The following RPS6KA2 variants were observed in gnomAD, a reference collection of about 807,000 sequenced individuals.
RPS6KA2 encodes the protein ribosomal protein S6 kinase alpha-2.
In RPS6KA2, 42 loss-of-function variants were observed where a neutral mutation model predicts 91.8. The observed-to-expected ratio is 0.46, with a 90% CI of 0.36 to 0.59. The LOEUF (loss-of-function observed/expected upper bound fraction) is 0.59, where lower values mean the gene tolerates loss of function less well. Among genes scored for constraint, RPS6KA2 ranks in the 20% least tolerant of loss-of-function variants. The pLI is 0.00. For synonymous variants in RPS6KA2, 414 were observed against 393.6 expected, an observed-to-expected ratio of 1.05 and a Z score of -0.61; for missense variants, 798 against 978.5, an observed-to-expected ratio of 0.82 and a Z score of 2.46.
chr6:166,860,358 C>T (rs1022653533), intron 1 of RPS6KA2, among the ~76,000 whole-genome samples: 6 of 152,236 alleles, frequency 3.9e-5, no homozygotes, highest in African/African-American at 1.2e-4. Context: ...CCTTTACCAT[C>T]TGCCCTCTCC....
At chr6:166,506,193 G>A (rs1782218162) in intron 5 of RPS6KA2, among the ~76,000 whole-genome samples, 1 of 152,180 alleles carries the variant, frequency 6.6e-6, no homozygotes, top group Non-Finnish European at 1.5e-5. Flanking sequence ...AGGACCCAAG[G>A]AAAAGACTTT....
intron 1 of RPS6KA2, among the ~76,000 whole-genome samples, chr6:166,610,371 G>A (rs1355655492): frequency 6.6e-6 from 1 of 152,180 alleles, no homozygotes; most frequent in African/African-American, 2.4e-5. Context: ...AAATTCATGT[G>A]AATTTCTGAA....
intron 2 of RPS6KA2, among the ~76,000 whole-genome samples, chr6:166,762,782 G>A (rs1345708400): frequency 6.6e-6 from 1 of 152,148 alleles, no homozygotes; most frequent in African/African-American, 2.4e-5. Flanking sequence ...AAGGAAAGCG[G>A]AGCAAGCCAT....
intron 2 of RPS6KA2, among the ~76,000 whole-genome samples, chr6:166,736,674 G>A (rs1035031681): frequency 2.0e-5 from 3 of 152,124 alleles, no homozygotes; most frequent in Non-Finnish European, 2.9e-5. Flanking sequence ...TCCAGACAGC[G>A]GGCCTGCATC....
chr6:166,702,588 C>A, intron 2 of RPS6KA2: 1 of 1,502,408 alleles, frequency 6.7e-7, no homozygotes, highest in Non-Finnish European at 9.3e-7. Context: ...TATTTCGTAT[C>A]TGAAGTTTCC....
rs753641344 is a variant in RPS6KA2 at position 166,419,715 on chromosome 6, A to G, written c.1820+167T>C. On this transcript the variant is annotated intron_variant, in intron 18 of 20. Transcript: ENST00000265678. This position sits in a 1 kb window ranked among gnomAD's most constrained non-coding sequence, Gnocchi z 5.6. Reference sequence around the variant, plus strand: ...TGTTGTTCAGTTGTCCTGAGGGGCTAAGAAAGTCTGCGAGTGTTCACTCAA... The same window carrying G: ...TGTTGTTCAGTTGTCCTGAGGGGCTGAGAAAGTCTGCGAGTGTTCACTCAA... Among the ~76,000 whole-genome samples, 3 of 152,250 alleles carry G rather than the reference A, an allele frequency of 2.0e-5. No individual in the cohort carries two copies. The highest frequency in any genetic ancestry group is 4.8e-5 in the African/African-American group (2 of 41,462).
chr6:166,546,149 A>G (rs1312926532), intron 1 of RPS6KA2, among the ~76,000 whole-genome samples: 1 of 152,196 alleles, frequency 6.6e-6, no homozygotes, highest in Non-Finnish European at 1.5e-5. Context: ...ACTCATTACT[A>G]GCATCGGGGA....
chr6:166,775,764 C>G (rs1312283682), intron 2 of RPS6KA2, among the ~76,000 whole-genome samples: 1 of 152,256 alleles, frequency 6.6e-6, no homozygotes, highest in Non-Finnish European at 1.5e-5. Flanking sequence ...GAAACACACA[C>G]AGACACATGA....
Position 166,469,824 on chromosome 6 carries a change from T to C in RPS6KA2, c.972+17A>G, listed in dbSNP as rs1032170849. On this transcript the variant is annotated intron_variant, in intron 11 of 20. Coordinates refer to ENST00000265678, the MANE Select transcript of RPS6KA2 (RefSeq NM_021135.6). ...GTGTCACGCGTGTGCAGGTGGGGAC[T>C]GTGGCATGCAACTTACGTTCCAGTC... 6.2e-7 allele frequency: 1 copy of C among 1,611,786 alleles called. No homozygotes were observed. Among genetic ancestry groups the C allele is most frequent in the South Asian group, 1.1e-5 (1 of 91,036 alleles).
intron 2 of RPS6KA2, among the ~76,000 whole-genome samples, chr6:166,689,137 G>A (rs1219780168): frequency 3.3e-5 from 5 of 152,256 alleles, no homozygotes; most frequent in African/African-American, 4.8e-5. Flanking sequence ...TGGAGGCTGC[G>A]CCAAAAGCGC....
chr6:166,685,636 C>T (rs946304033), intron 2 of RPS6KA2, among the ~76,000 whole-genome samples: 1 of 152,194 alleles, frequency 6.6e-6, no homozygotes, highest in Non-Finnish European at 1.5e-5. Flanking sequence ...GCTCCCACTG[C>T]ATCCCAGCTT....
At chr6:166,468,349 C>T (rs1780617215) in intron 11 of RPS6KA2, among the ~76,000 whole-genome samples, 1 of 152,216 alleles carries the variant, frequency 6.6e-6, no homozygotes, top group Non-Finnish European at 1.5e-5. Context: ...GAAGTCTAAT[C>T]TTACGAAAGT....
chr6:166,613,837 T>C (rs1348497601), intron 1 of RPS6KA2, among the ~76,000 whole-genome samples: 1 of 151,930 alleles, frequency 6.6e-6, no homozygotes, highest in Non-Finnish European at 1.5e-5. Flanking sequence ...AGTCGGGCTT[T>C]CCACGGCCTT....
intron 2 of RPS6KA2, among the ~76,000 whole-genome samples, chr6:166,837,085 G>A (rs770681803): frequency 6.6e-6 from 1 of 152,174 alleles, no homozygotes; most frequent in African/African-American, 2.4e-5. Context: ...TCTTCACTGC[G>A]TGCCCCGCCC....
At chr6:166,782,041 G>A (rs1778787494) in intron 2 of RPS6KA2, among the ~76,000 whole-genome samples, 1 of 152,222 alleles carries the variant, frequency 6.6e-6, no homozygotes, top group Non-Finnish European at 1.5e-5. Flanking sequence ...TGTAATCCCA[G>A]CACTTTGGGA....
At chr6:166,746,358 G>T (rs1238379101) in intron 2 of RPS6KA2, among the ~76,000 whole-genome samples, 1 of 152,194 alleles carries the variant, frequency 6.6e-6, no homozygotes, top group Non-Finnish European at 1.5e-5. Context: ...GTGTTTTCCT[G>T]TTCTCACACA....
intron 2 of RPS6KA2, among the ~76,000 whole-genome samples, chr6:166,749,948 A>T (rs1791224466): frequency 6.6e-6 from 1 of 151,576 alleles, no homozygotes; most frequent in Admixed American, 6.6e-5. Flanking sequence ...AGTGAGGAAA[A>T]CAGAGAGGGC....
chr6:166,499,870 T>C (rs71553129), intron 7 of RPS6KA2, among the ~76,000 whole-genome samples: 82,851 of 149,834 alleles, frequency 0.55, 26,064 homozygotes, highest in African/African-American at 0.86. Context: ...AACAGACTAA[T>C]ACAGGGACTT....
chr6:166,615,979 C>G (rs567499516), intron 1 of RPS6KA2, among the ~76,000 whole-genome samples: 1 of 152,152 alleles, frequency 6.6e-6, no homozygotes, highest in Non-Finnish European at 1.5e-5. Context: ...GCCTAAATGA[C>G]GACGCTTTTT....
Sources: allele counts gnomAD v4.1 joint callset (sites outside exome capture counted in the v4.1 genomes callset), GRCh38; gene constraint gnomAD v4.1.1; non-coding constraint Gnocchi (gnomAD v3.1); transcripts MANE v1.5; gene names NCBI Gene and HGNC (gene_info 2026-07-23, HGNC 2026-07-21).